The following FNDC3B variants were observed in gnomAD, a reference collection of about 807,000 sequenced individuals.
The protein encoded by FNDC3B is fibronectin type III domain containing 3B, also known as fibronectin type III domain-containing protein 3B.
A neutral mutation model predicts 151.5 loss-of-function variants in FNDC3B; 12 were observed. The observed-to-expected ratio is 0.08, with a 90% CI of 0.05 to 0.13. FNDC3B has a LOEUF of 0.13. Among genes scored for constraint, FNDC3B ranks in the 10% least tolerant of loss-of-function variants. The pLI is 1.00. For missense variants in FNDC3B, 1,214 were observed against 1,505.3 expected, an observed-to-expected ratio of 0.81 and a Z score of 3.20; for synonymous variants, 528 against 549.0, an observed-to-expected ratio of 0.96 and a Z score of 0.54.
chr3:172,210,791 AT>A (rs1725696273), intron 3 of FNDC3B, among the ~76,000 whole-genome samples: 1 of 152,238 alleles, frequency 6.6e-6, no homozygotes, highest in Non-Finnish European at 1.5e-5. Flanking sequence ...GGAAGCAAAT[AT>A]TCTTTTTTCT....
intron 3 of FNDC3B, among the ~76,000 whole-genome samples, chr3:172,210,145 C>T (rs1028644188): frequency 6.6e-5 from 10 of 152,204 alleles, no homozygotes; most frequent in African/African-American, 2.2e-4. Context: ...ACCCTGCCAA[C>T]TTGGTAGGGC....
intron 1 of FNDC3B, among the ~76,000 whole-genome samples, chr3:172,075,309 T>C (rs1717953348): frequency 6.6e-6 from 1 of 152,324 alleles, no homozygotes; most frequent in African/African-American, 2.4e-5. Context: ...ACTTGGTCAT[T>C]GGCCTGTGCT....
At chr3:172,241,003 AC>A (rs1342441044) in intron 4 of FNDC3B, among the ~76,000 whole-genome samples, 1 of 152,090 alleles carries the variant, frequency 6.6e-6, no homozygotes, top group Non-Finnish European at 1.5e-5. Flanking sequence ...TTTTTTGTAA[AC>A]GTGTACTAAG....
chr3:172,103,798 TG>T (rs1241390138), intron 1 of FNDC3B, among the ~76,000 whole-genome samples: 1 of 152,230 alleles, frequency 6.6e-6, no homozygotes, highest in African/African-American at 2.4e-5. Flanking sequence ...TTCAGACAAC[TG>T]TGATTTTACT....
intron 3 of FNDC3B, among the ~76,000 whole-genome samples, chr3:172,136,869 G>A (rs1207221152): frequency 6.6e-6 from 1 of 152,080 alleles, no homozygotes; most frequent in Non-Finnish European, 1.5e-5. Flanking sequence ...ACAGGCACAC[G>A]CCACCACACC....
At chr3:172,226,720 G>A (rs1044379887) in intron 3 of FNDC3B, 151 bp from the exon 4 acceptor site, 12 of 510,914 alleles carry the variant, frequency 2.3e-5, no homozygotes, top group Middle Eastern at 4.6e-4. Context: ...CATGGTTTCA[G>A]GTTTAGCTTT....
chr3:172,366,037 G>A lies in FNDC3B; in HGVS notation c.3008+3192G>A, dbSNP rs558834121. On this transcript the variant is annotated intron_variant, in intron 23 of 25. Transcript: ENST00000415807. ...AATCCTTTATGAAAAGGTGTCCCTT[G>A]TAAATGATTGGGGCATGTTGCCTCT... is the stretch of plus-strand genomic sequence containing the variant. Among the ~76,000 whole-genome samples, 278 of 152,254 alleles carry A rather than the reference G, an allele frequency of 1.8e-3. 1 individual carries two copies. Among genetic ancestry groups the A allele is most frequent in the Admixed American group, 4.0e-3 (61 of 15,290 alleles).
chr3:172,272,172 T>C (rs1345228573), intron 6 of FNDC3B, among the ~76,000 whole-genome samples: 1 of 152,182 alleles, frequency 6.6e-6, no homozygotes, highest in Non-Finnish European at 1.5e-5. Context: ...AAATAAATCA[T>C]TTTTTCTCAT....
intron 3 of FNDC3B, among the ~76,000 whole-genome samples, chr3:172,157,255 A>T (rs1303709731): frequency 3.3e-5 from 5 of 152,180 alleles, no homozygotes; most frequent in Admixed American, 2.0e-4. Context: ...GAGCCAGAAC[A>T]TGAACCCAAG....
chr3:172,261,823 G>T (rs1349632758), intron 6 of FNDC3B, among the ~76,000 whole-genome samples: 4 of 152,098 alleles, frequency 2.6e-5, no homozygotes, highest in African/African-American at 9.7e-5. Flanking sequence ...CTCTGAATTT[G>T]CTTTTTAAAA....
intron 1 of FNDC3B, among the ~76,000 whole-genome samples, chr3:172,078,328 T>C (rs933855417): frequency 3.9e-5 from 6 of 152,190 alleles, no homozygotes; most frequent in African/African-American, 7.2e-5. Flanking sequence ...TCTTTCGACT[T>C]GTTGTTCTTT....
chr3:172,306,409 C>A (rs1731203895), intron 9 of FNDC3B, among the ~76,000 whole-genome samples: 1 of 152,196 alleles, frequency 6.6e-6, no homozygotes, highest in Admixed American at 6.5e-5. Flanking sequence ...AATAAGATTT[C>A]CCTACCTCAG....
rs893396756 is a variant in FNDC3B, at chr3:172,040,111, C to G, written c.-29+340C>G. 2.6e-5 allele frequency among the ~76,000 whole-genome samples: 4 copies of G among 152,196 alleles called. No individual in the cohort carries two copies. The highest frequency in any genetic ancestry group is 4.4e-5 in the Non-Finnish European group (3 of 68,018). ...TGGGCAGTGGCTCGCGGCCTCCCCC[C>G]ACCCCCAGCCTTCCCAGCAGATTTT... On this transcript the variant is annotated intron_variant, in intron 1 of 25. Transcript: ENST00000415807. The surrounding 1 kb of genome is among the most constrained non-coding windows in gnomAD (Gnocchi z 6.6).
In FNDC3B at chr3:172,246,974, A is replaced by G. The variant is rs776667101; in HGVS notation, c.265-559A>G. On this transcript the variant is annotated intron_variant, in intron 4 of 25. Transcript: ENST00000415807. ...TCATCCATATCCTCAGTCCTAGATT[A>G]AGTAATCTTAGGGCACACTTACGGC... Among the ~76,000 whole-genome samples the G allele has an allele frequency of 4.3e-4, 65 of 152,178 alleles. 1 individual carries two copies. Among genetic ancestry groups the G allele is most frequent in the Non-Finnish European group, 8.5e-4 (58 of 68,030 alleles).
chr3:172,299,247 A>G (rs1051938394), intron 9 of FNDC3B, among the ~76,000 whole-genome samples: 3 of 152,238 alleles, frequency 2.0e-5, no homozygotes, highest in Non-Finnish European at 4.4e-5. Flanking sequence ...TAATACAAGC[A>G]TCAAATTATC....
intron 3 of FNDC3B, among the ~76,000 whole-genome samples, chr3:172,208,862 G>A (rs1725568341): frequency 1.3e-5 from 2 of 152,140 alleles, no homozygotes; most frequent in Non-Finnish European, 2.9e-5. Flanking sequence ...CTGTTGCAGT[G>A]GGGTGGGCAG....
At chr3:172,255,386 A>C (rs945361578) in intron 6 of FNDC3B, among the ~76,000 whole-genome samples, 1 of 152,086 alleles carries the variant, frequency 6.6e-6, no homozygotes, top group Non-Finnish European at 1.5e-5. Context: ...CTTCTGCCTC[A>C]GCCTCCCGAG....
chr3:172,177,456 C>T (rs1723655933), intron 3 of FNDC3B, among the ~76,000 whole-genome samples: 1 of 152,086 alleles, frequency 6.6e-6, no homozygotes, highest in African/African-American at 2.4e-5. Flanking sequence ...TGTGGTAGCT[C>T]AATCAGAGTG....
chr3:172,282,538 T>G (rs750309246), intron 6 of FNDC3B, among the ~76,000 whole-genome samples: 1 of 152,192 alleles, frequency 6.6e-6, no homozygotes, highest in Non-Finnish European at 1.5e-5. Flanking sequence ...GGCCCACTTT[T>G]TAAATTCTTC....
Sources: gnomAD v4.1 joint callset for allele counts (sites outside exome capture counted in the v4.1 genomes callset) on GRCh38, gnomAD v4.1.1 for gene constraint, Gnocchi (gnomAD v3.1) non-coding constraint, MANE v1.5 for transcripts, NCBI Gene and HGNC (gene_info 2026-07-23, HGNC 2026-07-21) for gene names.